SESTD1: variants seen among roughly 807,000 people sequenced by gnomAD.
SESTD1 encodes SEC14 domain and spectrin repeat-containing protein 1.
SESTD1 carries 43 observed loss-of-function variants against 101.7 expected under a neutral mutation model. That is an observed-to-expected ratio of 0.42 (90% CI 0.33 to 0.55). The LOEUF is 0.55. Among genes scored for constraint, SESTD1 ranks in the 20% least tolerant of loss-of-function variants. The probability of loss-of-function intolerance (pLI) is 0.07; values close to 1 mark genes in which losing one functional copy is unlikely to be tolerated. For synonymous variants in SESTD1, 283 were observed against 286.8 expected (o/e 0.99, Z 0.13); for missense variants, 647 against 815.1 (o/e 0.79, Z 2.51).
chr2:179,149,507 C>A, intron 6 of SESTD1, 113 bp from the exon 7 acceptor site: 1 of 659,678 alleles, frequency 1.5e-6, no homozygotes, highest in Non-Finnish European at 2.4e-6. Context: ...TTTCCTTCCC[C>A]AGCAGTTCGT....
In SESTD1 at chr2:179,232,522, G is replaced by A. The variant is rs531032443; in HGVS notation, c.-26+31977C>T. The stretch of plus-strand genomic sequence containing the variant: ...CAAAGTAAGAAGCGACAAGGGAGAC[G>A]ACACATTTCAACAATATAAAAACAC... On this transcript the variant is annotated intron_variant, in intron 1 of 17. Coordinates refer to ENST00000428443, the MANE Select transcript of SESTD1 (RefSeq NM_178123.5). 5.9e-5 allele frequency among the ~76,000 whole-genome samples: 9 copies of A among 152,028 alleles called. No individual in the cohort carries two copies. In the South Asian group the frequency reaches 6.2e-4, roughly 11 times the overall value.
At chr2:179,241,554 G>A (rs1051614495) in intron 1 of SESTD1, among the ~76,000 whole-genome samples, 2 of 152,044 alleles carry the variant, frequency 1.3e-5, no homozygotes, top group African/African-American at 2.4e-5. Context: ...GCTCATGATG[G>A]GGGCTCAAGC....
intron 1 of SESTD1, among the ~76,000 whole-genome samples, chr2:179,194,617 C>T (rs1292385007): frequency 1.3e-5 from 2 of 152,086 alleles, no homozygotes; most frequent in Admixed American, 6.6e-5. Flanking sequence ...CCTGGGAGAA[C>T]GGCAATGCCT....
chr2:179,189,785 A>G (rs1347737424), intron 2 of SESTD1, among the ~76,000 whole-genome samples: 4 of 60,794 alleles, frequency 6.6e-5, no homozygotes, highest in Admixed American at 1.7e-4. Context: ...ATGACACTCA[A>G]ACTGAGAGCC....
intron 1 of SESTD1, among the ~76,000 whole-genome samples, chr2:179,234,231 G>A (rs780106589): frequency 4.6e-5 from 7 of 151,988 alleles, no homozygotes; most frequent in African/African-American, 1.2e-4. Flanking sequence ...CTAGAACATC[G>A]GCTCTCTCTG....
chr2:179,106,585 T>A lies in SESTD1; in HGVS notation c.*3314A>T, dbSNP rs534670710. 1 of 152,296 alleles carries A rather than the reference T, an allele frequency of 6.6e-6. No individual in the cohort carries two copies. The highest frequency in any genetic ancestry group is 1.9e-4 in the East Asian group (1 of 5,186). The allele number at this position is 152,296 out of a possible 1,614,324, so 9.4% of individuals were successfully genotyped here. On this transcript the variant is annotated 3_prime_UTR_variant, in exon 18 of 18. Coordinates refer to ENST00000428443, the MANE Select transcript of SESTD1 (RefSeq NM_178123.5). ...GTACGACACTAATAATACCACTCCG[T>A]ATGTCAGCTAATAAGATAACGAAAT... is the stretch of plus-strand genomic sequence containing the variant.
intron 1 of SESTD1, among the ~76,000 whole-genome samples, chr2:179,244,259 C>T (rs2047197401): frequency 6.6e-6 from 1 of 152,024 alleles, no homozygotes; most frequent in Non-Finnish European, 1.5e-5. Flanking sequence ...GAGTTCAAAA[C>T]CAGCCTGGCC....
At chr2:179,219,054 T>TCAAAGGAGCTC (rs11272793) in intron 1 of SESTD1, among the ~76,000 whole-genome samples, 3 of 151,946 alleles carry the variant, frequency 2.0e-5, no homozygotes, top group Admixed American at 2.0e-4. Context: ...TGCTTTTCCT[T>TCAAAGGAGCTC]CCAGCTGTCT....
rs1347093192 is a variant in SESTD1, at chr2:179,109,059, AAG to A, written c.*838_*839del. On this transcript the variant is annotated 3_prime_UTR_variant, in exon 18 of 18. Transcript: ENST00000428443. ...TTTGAGAATATTTTTCAAGTTGAAA[AAG>A]AGAAAAATTAGAAATAGTATTCCAT... 6.6e-6 allele frequency: 1 copy of A among 152,570 alleles called. No individual in the cohort carries two copies. Among genetic ancestry groups the A allele is most frequent in the African/African-American group, 2.4e-5 (1 of 41,466 alleles). 9.5% of individuals were successfully genotyped at this position (152,570 alleles called of 1,614,324 possible).
intron 5 of SESTD1, among the ~76,000 whole-genome samples, chr2:179,158,103 C>G (rs550902688): frequency 6.6e-6 from 1 of 152,212 alleles, no homozygotes; most frequent in East Asian, 1.9e-4. Context: ...AGGTCTGTGC[C>G]CTAGTTCTGC....
intron 1 of SESTD1, among the ~76,000 whole-genome samples, chr2:179,253,127 C>A (rs1574069915): frequency 6.6e-6 from 1 of 152,306 alleles, no homozygotes; most frequent in African/African-American, 2.4e-5. Flanking sequence ...ACCACTACTA[C>A]CCCCATCCAG....
At chr2:179,122,600 CAG>C (rs2044777945) in intron 12 of SESTD1, among the ~76,000 whole-genome samples, 2 of 152,006 alleles carry the variant, frequency 1.3e-5, no homozygotes, top group Admixed American at 1.3e-4. Flanking sequence ...GTTAAAATAA[CAG>C]AGGCTGGCCA....
intron 5 of SESTD1, among the ~76,000 whole-genome samples, chr2:179,153,428 G>A (rs996346241): frequency 6.6e-5 from 10 of 152,184 alleles, no homozygotes; most frequent in East Asian, 1.9e-4. Context: ...TACAGTGCTC[G>A]TTTTAAATTG....
intron 10 of SESTD1, among the ~76,000 whole-genome samples, chr2:179,125,497 AAAC>A (rs1343492124): frequency 1.3e-5 from 2 of 152,176 alleles, no homozygotes; most frequent in Non-Finnish European, 2.9e-5. Context: ...GGTAGACTAA[AAAC>A]AACTAGGTGG....
chr2:179,172,572 C>G (rs2045945788), intron 4 of SESTD1, among the ~76,000 whole-genome samples: 1 of 152,098 alleles, frequency 6.6e-6, no homozygotes, highest in Non-Finnish European at 1.5e-5. Context: ...GATTTTTCTA[C>G]AGTATGAAAA....
At chr2:179,247,645 G>A (rs77100051) in intron 1 of SESTD1, among the ~76,000 whole-genome samples, 8,789 of 148,718 alleles carry the variant, frequency 0.059, 324 homozygotes, top group South Asian at 0.13. Context: ...TCGTTATGTT[G>A]CCTAGGCAGG....
At position 179,257,649 on chromosome 2, in the gene SESTD1, A is replaced by G. The variant is rs570288704; in HGVS notation, c.-26+6850T>C. On this transcript the variant is annotated intron_variant, in intron 1 of 17. Coordinates refer to ENST00000428443, the MANE Select transcript of SESTD1 (RefSeq NM_178123.5). ...ATGAACTATAACAAGTTAACAAACT[A>G]AAGATAAAGGCAAAGAATAGAGAAA... Among the ~76,000 whole-genome samples the G allele has an allele frequency of 2.0e-5, 3 of 152,374 alleles. No individual in the cohort carries two copies. The East Asian group carries it at 5.8e-4, about 29-fold the overall frequency.
intron 1 of SESTD1, among the ~76,000 whole-genome samples, chr2:179,197,169 C>T (rs918814485): frequency 6.6e-6 from 1 of 151,946 alleles, no homozygotes; most frequent in African/African-American, 2.4e-5. Flanking sequence ...AAAGAAGAAG[C>T]CTCAGGAGCC....
At position 179,236,307 on chromosome 2, in the gene SESTD1, G is replaced by A. The variant is rs191854645; in HGVS notation, c.-26+28192C>T. On this transcript the variant is annotated intron_variant, in intron 1 of 17. Coordinates refer to ENST00000428443, the MANE Select transcript of SESTD1 (RefSeq NM_178123.5). Reference sequence around the variant, plus strand: ...GTTCAAGACCAGCCTGGGCAACATAGTGAGACCTCATCTCTTAAAAAAAAA... The same window carrying A: ...GTTCAAGACCAGCCTGGGCAACATAATGAGACCTCATCTCTTAAAAAAAAA... Among the ~76,000 whole-genome samples, 517 of 127,666 alleles carry A rather than the reference G, an allele frequency of 4.0e-3. 1 individual carries two copies. Among genetic ancestry groups the A allele is most frequent in the Non-Finnish European group, 5.9e-3 (372 of 63,304 alleles). 83.8% of individuals were successfully genotyped at this position (127,666 alleles called of 152,430 possible).
Sources: allele counts gnomAD v4.1 joint callset (sites outside exome capture counted in the v4.1 genomes callset), GRCh38; gene constraint gnomAD v4.1.1; transcripts MANE v1.5; gene names NCBI Gene and HGNC (gene_info 2026-07-23, HGNC 2026-07-21).